Variants in ZNF121 observed in about 807,000 individuals in gnomAD.
ZNF121 encodes the protein zinc finger protein 121 (clone ZHC32).
In ZNF121, 1 loss-of-function variant was observed where a neutral mutation model predicts 2.4. The ratio of observed to expected loss-of-function variants is 0.41; its 90% CI spans 0.15 to 1.94. The LOEUF (loss-of-function observed/expected upper bound fraction) is 1.94. ZNF121 is among the 30% of genes most tolerant of loss of function. The pLI is 0.30. For synonymous variants in ZNF121, 173 were observed against 158.6 expected, an observed-to-expected ratio of 1.09 and a Z score of -0.68; for missense variants, 369 against 466.3, an observed-to-expected ratio of 0.79 and a Z score of 1.92.
Position 9,564,463 on chromosome 19 carries a change from C to G in ZNF121, c.*1477G>C, listed in dbSNP as rs780431358. On this transcript the variant is annotated 3_prime_UTR_variant, in exon 4 of 4. Coordinates refer to ENST00000320451, the MANE Select transcript of ZNF121 (RefSeq NM_001008727.5). ...TTGATTCCAACCTTCATAGGTGACT[C>G]TGAGGGGTTCAAGTCTTCAGTGGAA... 6.6e-6 allele frequency: 1 copy of G among 152,090 alleles called. No homozygotes were observed. The highest frequency in any genetic ancestry group is 1.5e-5 in the Non-Finnish European group (1 of 68,042). 9.4% of individuals were successfully genotyped at this position (152,090 alleles called of 1,614,324 possible). A position where few individuals can be genotyped will look rare whatever the true frequency, so the allele number is the denominator to read the frequency against.
rs1195798425 is a variant in ZNF121, at chr19:9,567,025, T to C, written c.88A>G (p.Met30Val). ...GTGTCCCCTGTATTTTCAGTTCCCA[T>C]GTGTGCATTAAGGCATGAGTGTTCA... ...FSEHSCLNAH[M>V]GTENTGDTYD... Residue 30 changes from methionine (M) to valine (V), a missense_variant, in exon 4 of 4, where the codon ATG becomes GTG. Transcript: ENST00000320451. The C allele has an allele frequency of 3.7e-6, 6 of 1,614,040 alleles. No individual in the cohort carries two copies. Among genetic ancestry groups the C allele is most frequent in the South Asian group, 1.1e-5 (1 of 91,084 alleles).
intron 1 of ZNF121, among the ~76,000 whole-genome samples, 198 bp from the exon 2 acceptor site, chr19:9,569,280 A>AC (rs2074156434): frequency 6.6e-6 from 1 of 152,044 alleles, no homozygotes; most frequent in Admixed American, 6.6e-5. Context: ...ACTTAAATAC[A>AC]CATTTAAAAA....
At position 9,560,970 on chromosome 19, in the gene ZNF121, A is replaced by ATC. The variant is rs1174395074; in HGVS notation, c.*4969_*4970insGA. On this transcript the variant is annotated 3_prime_UTR_variant, in exon 4 of 4. Transcript: ENST00000320451. ...TTAAAAAGAGTGGTATGAGTTATCA[A>ATC]TTCTGAGAGTAGCTTATATTTTAAT... 1 of 152,244 alleles carries ATC rather than the reference A, an allele frequency of 6.6e-6. No homozygotes were observed. Among genetic ancestry groups the ATC allele is most frequent in the Non-Finnish European group, 1.5e-5 (1 of 68,048 alleles). The allele number at this position is 152,244 out of a possible 1,614,324, so 9.4% of individuals were successfully genotyped here.
At chr19:9,582,122 A>G (rs1298139783) in intron 1 of ZNF121, among the ~76,000 whole-genome samples, 2 of 152,176 alleles carry the variant, frequency 1.3e-5, no homozygotes, top group East Asian at 3.9e-4. Flanking sequence ...CCTGGCCAAC[A>G]TGGTGAAACC....
chr19:9,580,930 A>C (rs1172552836), intron 1 of ZNF121, among the ~76,000 whole-genome samples: 1 of 152,232 alleles, frequency 6.6e-6, no homozygotes, highest in Non-Finnish European at 1.5e-5. Context: ...GACATGAAGT[A>C]ACTAAGGCAG....
chr19:9,580,529 A>G (rs1014768558), intron 1 of ZNF121, among the ~76,000 whole-genome samples: 20 of 152,188 alleles, frequency 1.3e-4, no homozygotes, highest in African/African-American at 4.8e-4. Context: ...TCAAAAAACT[A>G]AAAATAGAAC....
chr19:9,573,684 C>G (rs1157760268), intron 1 of ZNF121, among the ~76,000 whole-genome samples: 2 of 152,076 alleles, frequency 1.3e-5, no homozygotes, highest in African/African-American at 2.4e-5. Flanking sequence ...CCAAATGAGA[C>G]TACTACAAAG....
In ZNF121 at chr19:9,560,950, A is replaced by G. The variant is rs1280857787; in HGVS notation, c.*4990T>C. On this transcript the variant is annotated 3_prime_UTR_variant, in exon 4 of 4. Transcript: ENST00000320451. ...GAATTCTGGTTAGTTGATTTTTAAAAAGAGTGGTATGAGTTATCAATTCTG... is the reference window on the plus strand; with the variant it reads ...GAATTCTGGTTAGTTGATTTTTAAAGAGAGTGGTATGAGTTATCAATTCTG... The G allele has an allele frequency of 6.6e-6, 1 of 152,218 alleles. No individual in the cohort carries two copies. The highest frequency in any genetic ancestry group is 2.4e-5 in the African/African-American group (1 of 41,454). 9.4% of individuals were successfully genotyped at this position (152,218 alleles called of 1,614,324 possible).
At position 9,566,807 on chromosome 19, in the gene ZNF121, A is replaced by G. The variant is rs777879430; in HGVS notation, c.306T>C (p.His102=). ...TGTGAGTTATCCTATTTGCCTGAAG[A>G]TGTGACTGATCAACAAAGGCTTCCT... is the stretch of plus-strand genomic sequence containing the variant. The part of the protein sequence containing the change: ...DCEEAFVDQS[H]LQANRITHNG... The change falls in exon 4 of 4, where the codon CAT becomes CAC. Residue 102 remains histidine, a synonymous_variant. Coordinates refer to ENST00000320451, the MANE Select transcript of ZNF121 (RefSeq NM_001008727.5). The G allele has an allele frequency of 6.2e-7, 1 of 1,614,204 alleles. No homozygotes were observed. Among genetic ancestry groups the G allele is most frequent in the East Asian group, 2.2e-5 (1 of 44,880 alleles).
chr19:9,575,676 G>GAGT (rs1433976951), intron 1 of ZNF121, among the ~76,000 whole-genome samples: 1 of 151,960 alleles, frequency 6.6e-6, no homozygotes, highest in African/African-American at 2.4e-5. Context: ...CTGGGAGATG[G>GAGT]AGGTTGCAGT....
chr19:9,565,721 T>TAAAATAAA lies in ZNF121; in HGVS notation c.*218_*219insTTTATTTT, dbSNP rs2074126563. On this transcript the variant is annotated 3_prime_UTR_variant, in exon 4 of 4. Transcript: ENST00000320451. ...AATAAAATAAAATAAAATAAAATAA[T>TAAAATAAA]AAAAAAAGATTCCATTGGCTCCCTA... 2.1e-5 allele frequency: 5 copies of TAAAATAAA among 233,142 alleles called. No homozygotes were observed. In the Admixed American group the frequency reaches 3.1e-4, roughly 15 times the overall value. The allele number at this position is 233,142 out of a possible 1,614,324, so 14.4% of individuals were successfully genotyped here.
At chr19:9,578,755 A>G (rs185539770) in intron 1 of ZNF121, among the ~76,000 whole-genome samples, 321 of 152,312 alleles carry the variant, frequency 2.1e-3, no homozygotes, top group African/African-American at 7.5e-3. Flanking sequence ...CTGGGGAAAC[A>G]ATCCAGGACA....
intron 1 of ZNF121, among the ~76,000 whole-genome samples, chr19:9,581,085 C>A (rs1389333752): frequency 1.3e-5 from 2 of 152,052 alleles, no homozygotes; most frequent in Admixed American, 1.3e-4. Flanking sequence ...TATTTACACA[C>A]ACCATGAGAA....
rs1161652943 is a variant in ZNF121, at chr19:9,565,785, T to A, written c.*155A>T. 5.7e-6 allele frequency: 3 copies of A among 524,652 alleles called. No individual in the cohort carries two copies. The highest frequency in any genetic ancestry group is 6.3e-5 in the East Asian group (2 of 31,862). 32.5% of individuals were successfully genotyped at this position (524,652 alleles called of 1,614,324 possible). Reference sequence around the variant, plus strand: ...TTATAGGGGACACATAGAGTATGAGTTCTTTCATGTCTTCGAAGTGAATGG... The same window carrying A: ...TTATAGGGGACACATAGAGTATGAGATCTTTCATGTCTTCGAAGTGAATGG... On this transcript the variant is annotated 3_prime_UTR_variant, in exon 4 of 4. Transcript: ENST00000320451.
rs769015224 is a variant in ZNF121, at chr19:9,566,944, C to T, written c.169G>A (p.Ala57Thr). ...TTCAACACAGAAAGTGTCTCTCCAGCAGGGGCACTGTTGTGTAACATGGGA... is the reference window on the plus strand; with the variant it reads ...TTCAACACAGAAAGTGTCTCTCCAGTAGGGGCACTGTTGTGTAACATGGGA... ...NFPMLHNSAP[A>T]GETLSVLNQC... is the part of the protein sequence containing the mutation. The change falls in exon 4 of 4, where the codon GCT becomes ACT. Residue 57 changes from alanine (A) to threonine (T), a missense_variant. By Grantham distance (58) the Ala-to-Thr change is moderately conservative (BLOSUM62 0). Transcript: ENST00000320451. 1.2e-6 allele frequency: 2 copies of T among 1,614,224 alleles called. No homozygotes were observed. Among genetic ancestry groups the T allele is most frequent in the Non-Finnish European group, 1.7e-6 (2 of 1,180,034 alleles).
intron 1 of ZNF121, among the ~76,000 whole-genome samples, chr19:9,575,288 T>C (rs886970585): frequency 6.6e-6 from 1 of 152,056 alleles, no homozygotes; most frequent in Non-Finnish European, 1.5e-5. Context: ...CCTGGTATGG[T>C]GGCACATGCC....
intron 1 of ZNF121, among the ~76,000 whole-genome samples, chr19:9,571,964 T>A (rs746784974): frequency 6.6e-6 from 1 of 152,118 alleles, no homozygotes; most frequent in Non-Finnish European, 1.5e-5. Flanking sequence ...GAGGTTTCAC[T>A]ACGTTGCCCA....
chr19:9,583,202 G>C (rs916898923), intron 1 of ZNF121, among the ~76,000 whole-genome samples: 3 of 150,876 alleles, frequency 2.0e-5, no homozygotes, highest in African/African-American at 7.3e-5. Flanking sequence ...GGGCGACAGA[G>C]CAAGACTCCG....
At chr19:9,568,069 T>C (rs1158212298) in intron 3 of ZNF121, 26 bp downstream of exon 3, 1 of 1,537,280 alleles carries the variant, frequency 6.5e-7, no homozygotes, top group South Asian at 1.2e-5. Flanking sequence ...TTTTTGAGTG[T>C]GGTAAATAAG....
Sources: allele counts gnomAD v4.1 joint callset (sites outside exome capture counted in the v4.1 genomes callset), GRCh38; gene constraint gnomAD v4.1.1; transcripts MANE v1.5; gene names NCBI Gene and HGNC (gene_info 2026-07-23, HGNC 2026-07-21).